The following PHIP variants were observed in gnomAD, a reference collection of about 807,000 sequenced individuals.
The protein encoded by PHIP is PH-interacting protein.
In PHIP, 54 loss-of-function variants were observed where a neutral mutation model predicts 236.8. The observed-to-expected ratio is 0.23, with a 90% CI of 0.18 to 0.29. The LOEUF is 0.29. Ranked by LOEUF, PHIP falls within the 10% of genes least tolerant of loss-of-function variation. PHIP has a pLI of 1.00. For synonymous variants in PHIP, 756 were observed against 718.9 expected (o/e 1.05, Z -0.83); for missense variants, 1,370 against 2,190.8 (o/e 0.63, Z 7.48).
intron 24 of PHIP, among the ~76,000 whole-genome samples, chr6:78,971,607 T>G (rs982597032): frequency 6.6e-6 from 1 of 152,100 alleles, no homozygotes; most frequent in African/African-American, 2.4e-5. Context: ...TGCATTTCCA[T>G]CTGAGGTAAC....
intron 7 of PHIP, among the ~76,000 whole-genome samples, chr6:79,040,942 T>C (rs2127758951): frequency 6.6e-6 from 1 of 152,248 alleles, no homozygotes; most frequent in Non-Finnish European, 1.5e-5. Context: ...TTTCTTCTCT[T>C]AATTGATGTG....
rs2127672801 is a variant in PHIP at position 78,935,254 on chromosome 6, A to T, written c.*5439T>A. Among the ~76,000 whole-genome samples the T allele has an allele frequency of 6.6e-6, 1 of 152,282 alleles. No individual in the cohort carries two copies. On this transcript the variant is annotated 3_prime_UTR_variant, in exon 40 of 40. Transcript: ENST00000275034. ...TTAGAAATTTATTATATACAAAATC[A>T]TTTTAACAAAACATCTTAGGGAGAA...
At chr6:79,003,184 T>G (rs1191932103) in intron 16 of PHIP, among the ~76,000 whole-genome samples, 1 of 152,050 alleles carries the variant, frequency 6.6e-6, no homozygotes, top group Non-Finnish European at 1.5e-5. Context: ...ATGAGAGGAT[T>G]GTTTGAGCCC....
intron 23 of PHIP, among the ~76,000 whole-genome samples, 200 bp downstream of exon 23, chr6:78,982,686 C>CT (rs1768618048): frequency 6.6e-6 from 1 of 151,952 alleles, no homozygotes; most frequent in African/African-American, 2.4e-5. Flanking sequence ...TAAGTAAATA[C>CT]TTTTACATGT....
rs76871224 is a variant in PHIP at position 78,937,691 on chromosome 6, T to A, written c.*3002A>T. ...CAATTGAAATAAGGCCAATCTTTAGTTTATAATACATGCAGAAAATAGTCC... is the reference window on the plus strand; with the variant it reads ...CAATTGAAATAAGGCCAATCTTTAGATTATAATACATGCAGAAAATAGTCC... On this transcript the variant is annotated 3_prime_UTR_variant, in exon 40 of 40. Transcript: ENST00000275034. 8 of 71,456 alleles carry A rather than the reference T, an allele frequency of 1.1e-4. No individual in the cohort carries two copies. The South Asian group carries it at 6.8e-3, about 61-fold the overall frequency. 4.4% of individuals were successfully genotyped at this position (71,456 alleles called of 1,614,324 possible).
At chr6:79,001,105 C>A (rs1473905303) in intron 17 of PHIP, among the ~76,000 whole-genome samples, 1 of 152,056 alleles carries the variant, frequency 6.6e-6, no homozygotes, top group African/African-American at 2.4e-5. Flanking sequence ...AAGTCTAGAA[C>A]TTAAAATATT....
intron 39 of PHIP, among the ~76,000 whole-genome samples, chr6:78,942,224 T>A (rs1773540795): frequency 6.6e-6 from 1 of 152,194 alleles, no homozygotes; most frequent in African/African-American, 2.4e-5. Flanking sequence ...GGCTCACGAT[T>A]ATAATCCCAG....
intron 39 of PHIP, among the ~76,000 whole-genome samples, chr6:78,941,573 C>T (rs1192666971): frequency 6.6e-6 from 1 of 152,076 alleles, no homozygotes; most frequent in Non-Finnish European, 1.5e-5. Context: ...AAATAAGTGA[C>T]TTATCTAAGT....
chr6:78,971,760 G>A (rs1356337871), intron 24 of PHIP, among the ~76,000 whole-genome samples: 1 of 152,152 alleles, frequency 6.6e-6, no homozygotes, highest in African/African-American at 2.4e-5. Flanking sequence ...TCAAAGAAAG[G>A]GGTGACGGAC....
Position 78,965,933 on chromosome 6 carries a change from A to G in PHIP, c.3317+12T>C, listed in dbSNP as rs1477443558. On this transcript the variant is annotated intron_variant, in intron 28 of 39. Transcript: ENST00000275034. ...GCCTAGGTGAACTAAAATACAACAA[A>G]TATTTCCTTACCAAACATTGTAGCA... 7.6e-6 allele frequency: 12 copies of G among 1,570,306 alleles called. No individual in the cohort carries two copies. Among genetic ancestry groups the G allele is most frequent in the African/African-American group, 1.3e-5 (1 of 74,080 alleles).
Position 78,940,552 on chromosome 6 carries a change from T to G in PHIP, c.*141A>C, listed in dbSNP as rs868028152. 7 of 164,100 alleles carry G rather than the reference T, an allele frequency of 4.3e-5. No individual in the cohort carries two copies. Among genetic ancestry groups the G allele is most frequent in the Non-Finnish European group, 6.0e-5 (5 of 83,120 alleles). 10.2% of individuals were successfully genotyped at this position (164,100 alleles called of 1,614,324 possible). On this transcript the variant is annotated 3_prime_UTR_variant, in exon 40 of 40. Transcript: ENST00000275034. ...AGTGAAGTGTCTCGTAAGTTTGTTT[T>G]TTTTTTTTTTTTTTTTTTTGCAAAT...
At chr6:79,069,459 A>G (rs1055634219) in intron 4 of PHIP, among the ~76,000 whole-genome samples, 6 of 152,128 alleles carry the variant, frequency 3.9e-5, no homozygotes, top group Non-Finnish European at 7.4e-5. Context: ...TATCTTCATA[A>G]GCACATAAGC....
chr6:79,077,589 C>T, intron 3 of PHIP, 82 bp from the exon 4 acceptor site: 1 of 909,320 alleles, frequency 1.1e-6, no homozygotes, highest in Non-Finnish European at 1.3e-6. Flanking sequence ...CGCGCCCCGG[C>T]GGGGACCCCG....
At chr6:78,990,515 A>T (rs929929969) in intron 20 of PHIP, among the ~76,000 whole-genome samples, 1 of 152,194 alleles carries the variant, frequency 6.6e-6, no homozygotes, top group Non-Finnish European at 1.5e-5. Flanking sequence ...GATGCAAGAC[A>T]CCACAAAAAC....
intron 6 of PHIP, among the ~76,000 whole-genome samples, chr6:79,057,022 T>TGAA (rs1773109483): frequency 6.6e-6 from 1 of 152,100 alleles, no homozygotes; most frequent in Admixed American, 6.5e-5. Flanking sequence ...ACATAAGAAA[T>TGAA]GAACAGTAAA....
At chr6:79,022,957 A>G (rs1466370683) in intron 9 of PHIP, among the ~76,000 whole-genome samples, 2 of 152,372 alleles carry the variant, frequency 1.3e-5, no homozygotes, top group Admixed American at 6.5e-5. Flanking sequence ...ATTAAATCCT[A>G]TGTGACATAA....
chr6:79,059,078 T>C (rs1257718163), intron 6 of PHIP, among the ~76,000 whole-genome samples: 4 of 152,026 alleles, frequency 2.6e-5, no homozygotes, highest in Admixed American at 2.6e-4. Context: ...TTAAAAAAAA[T>C]CATAGATGAT....
At chr6:78,982,071 A>G (rs1212696937) in intron 23 of PHIP, among the ~76,000 whole-genome samples, 1 of 152,068 alleles carries the variant, frequency 6.6e-6, no homozygotes. Flanking sequence ...TTAATTCTAC[A>G]AACGACAATT....
In PHIP at chr6:78,996,413, G is replaced by T. The variant is rs184822652; in HGVS notation, c.2201+1001C>A. On this transcript the variant is annotated intron_variant, in intron 19 of 39. Coordinates refer to ENST00000275034, the MANE Select transcript of PHIP (RefSeq NM_017934.7). ...AAGTGATAGTAACAAACAGTGATAG[G>T]CTGATTTACTATGTCTTATTCTCCA... Among the ~76,000 whole-genome samples the T allele has an allele frequency of 6.4e-4, 97 of 152,224 alleles. 1 individual carries two copies. The South Asian group carries it at 8.1e-3, about 13-fold the overall frequency.
Sources: gnomAD v4.1 joint callset for allele counts (sites outside exome capture counted in the v4.1 genomes callset) on GRCh38, gnomAD v4.1.1 for gene constraint, MANE v1.5 for transcripts, NCBI Gene and HGNC (gene_info 2026-07-23, HGNC 2026-07-21) for gene names.